Variants in ITPR1 observed in about 807,000 individuals in gnomAD.
ITPR1 encodes the protein inositol 1,4,5-trisphosphate-gated calcium channel ITPR1.
In ITPR1, 96 loss-of-function variants were observed where a neutral mutation model predicts 318.4. The observed-to-expected ratio is 0.30, with a 90% confidence interval of 0.26 to 0.36. The LOEUF is 0.36. ITPR1 is among the 10% of genes least tolerant of loss of function. The pLI is 1.00. For synonymous variants in ITPR1, 1,312 were observed against 1,289.9 expected, an observed-to-expected ratio of 1.02 and a Z score of -0.37; for missense variants, 2,440 against 3,460.2, an observed-to-expected ratio of 0.71 and a Z score of 7.40.
chr3:4,644,774 T>A (rs968364347), intron 8 of ITPR1, among the ~76,000 whole-genome samples: 5 of 152,214 alleles, frequency 3.3e-5, no homozygotes, highest in Non-Finnish European at 1.5e-5. Context: ...AGATGTGGGT[T>A]CACATCCTGT....
At chr3:4,547,896 T>A (rs1575490844) in intron 4 of ITPR1, among the ~76,000 whole-genome samples, 1 of 152,326 alleles carries the variant, frequency 6.6e-6, no homozygotes, top group African/African-American at 2.4e-5. Context: ...TCAGATTATT[T>A]TTTTTTCACT....
intron 4 of ITPR1, among the ~76,000 whole-genome samples, chr3:4,577,201 C>T (rs2088774314): frequency 6.6e-6 from 1 of 152,246 alleles, no homozygotes; most frequent in Non-Finnish European, 1.5e-5. Context: ...CACGATGGCA[C>T]AGGACGAGCC....
chr3:4,655,951 T>C (rs1045848095), intron 12 of ITPR1, among the ~76,000 whole-genome samples: 5 of 152,186 alleles, frequency 3.3e-5, no homozygotes, highest in African/African-American at 1.2e-4. Context: ...GAAACTTGGA[T>C]GGAAAACCTC....
intron 44 of ITPR1, among the ~76,000 whole-genome samples, chr3:4,762,781 A>G (rs2045542725): frequency 6.6e-6 from 1 of 152,206 alleles, no homozygotes; most frequent in Non-Finnish European, 1.5e-5. Context: ...CCAGTGTGGC[A>G]ATTCCTCAAA....
Position 4,815,070 on chromosome 3 carries a change from T to A in ITPR1, c.7719T>A (p.Ala2573=), listed in dbSNP as rs375507523. The change falls in exon 59 of 62, where the codon GCT becomes GCA. Residue 2573 remains alanine (A), a synonymous_variant. Coordinates refer to ENST00000649015, the MANE Select transcript of ITPR1 (RefSeq NM_001378452.1). The part of the protein sequence containing the change: ...KPSKEEPLFA[A]RVIYDLLFFF... The stretch of plus-strand genomic sequence containing the variant: ...TTTTCCAGGAACCCCTGTTTGCTGC[T>A]AGAGTTATTTATGACCTCTTGTTCT... 117 of 1,612,860 alleles carry A rather than the reference T, an allele frequency of 7.3e-5. No individual in the cohort carries two copies. The highest frequency in any genetic ancestry group is 1.6e-4 in the Middle Eastern group (1 of 6,080).
intron 4 of ITPR1, among the ~76,000 whole-genome samples, chr3:4,550,374 C>T (rs751811894): frequency 6.6e-6 from 1 of 152,172 alleles, no homozygotes; most frequent in Admixed American, 6.5e-5. Context: ...AACCCACAGA[C>T]GCGCTGCCAT....
intron 53 of ITPR1, among the ~76,000 whole-genome samples, chr3:4,798,843 T>C (rs986295023): frequency 6.6e-6 from 1 of 152,204 alleles, no homozygotes; most frequent in Non-Finnish European, 1.5e-5. Context: ...GACTACCTGA[T>C]AGGATTATTT....
intron 44 of ITPR1, among the ~76,000 whole-genome samples, chr3:4,760,249 G>A (rs1310478590): frequency 6.6e-6 from 1 of 152,256 alleles, no homozygotes; most frequent in Non-Finnish European, 1.5e-5. Flanking sequence ...CAGCTTATAT[G>A]GAAAGGGCTC....
chr3:4,815,340 G>C, intron 59 of ITPR1, 122 bp downstream of exon 59: 1 of 845,216 alleles, frequency 1.2e-6, no homozygotes, highest in Non-Finnish European at 1.8e-6. Context: ...GGCACCGGCT[G>C]CTGCTTCGTC....
chr3:4,645,869 C>A (rs1253733827), intron 10 of ITPR1, 141 bp downstream of exon 10: 7 of 702,426 alleles, frequency 1.0e-5, no homozygotes, highest in South Asian at 1.8e-5. Flanking sequence ...CACCTACACA[C>A]ACACACAGAA....
intron 60 of ITPR1, among the ~76,000 whole-genome samples, chr3:4,822,906 T>G (rs927539059): frequency 6.6e-6 from 1 of 152,248 alleles, no homozygotes; most frequent in East Asian, 1.9e-4. Context: ...GAAAAAAAAT[T>G]TCCTTTCCCT....
intron 54 of ITPR1, among the ~76,000 whole-genome samples, chr3:4,802,113 A>T (rs930994264): frequency 6.6e-6 from 1 of 152,220 alleles, no homozygotes; most frequent in Admixed American, 6.5e-5. Flanking sequence ...ATCCGCATGA[A>T]AAATGCTGAG....
Position 4,675,184 on chromosome 3 carries a change from C to T in ITPR1, c.2715C>T (p.Phe905=). The T allele has an allele frequency of 3.7e-6, 6 of 1,612,000 alleles. No individual in the cohort carries two copies. The highest frequency in any genetic ancestry group is 5.1e-6 in the Non-Finnish European group (6 of 1,178,780). ...ACTGTGTACATGTGACAACAATCTT[C>T]CCCATTAGCAAGATGGCGAAAGGAG... ...ILDCVHVTTI[F]PISKMAKGEE... The change falls in exon 23 of 62, where the codon TTC becomes TTT. Residue 905 remains phenylalanine, a synonymous_variant. Transcript: ENST00000649015.
chr3:4,651,941 A>T (rs1314565017), intron 10 of ITPR1, among the ~76,000 whole-genome samples, 182 bp from the exon 11 acceptor site: 6 of 152,208 alleles, frequency 3.9e-5, no homozygotes, highest in Non-Finnish European at 7.3e-5. Context: ...CTTTGGAGAG[A>T]CACTGCTTAC....
rs747553464 is a variant in ITPR1 at position 4,735,170 on chromosome 3, G to T, written c.5360G>T (p.Gly1787Val). The change falls in exon 44 of 62, where the codon GGT becomes GTT. Residue 1787 changes from glycine to valine, a missense_variant. Coordinates refer to ENST00000649015, the MANE Select transcript of ITPR1 (RefSeq NM_001378452.1). ...CAATATTCCATCTTCTTAGGGGGAG[G>T]TTCCGGATCCAGCTCTATGAGCAGG... ...GPGKPGGGGG[G>V]SGSSSMSRGE... The T allele has an allele frequency of 3.1e-6, 5 of 1,612,542 alleles. No homozygotes were observed. The Admixed American group carries it at 5.0e-5, about 16-fold the overall frequency.
chr3:4,608,018 T>C (rs1334790032), intron 4 of ITPR1, among the ~76,000 whole-genome samples: 2 of 152,142 alleles, frequency 1.3e-5, no homozygotes, highest in Non-Finnish European at 2.9e-5. Flanking sequence ...GGGGAAGGGC[T>C]GTTATCATTT....
intron 4 of ITPR1, among the ~76,000 whole-genome samples, chr3:4,580,690 G>A (rs2089240125): frequency 6.6e-6 from 1 of 152,110 alleles, no homozygotes; most frequent in African/African-American, 2.4e-5. Context: ...CCTCTTGCAG[G>A]GCCAGAATTT....
intron 4 of ITPR1, among the ~76,000 whole-genome samples, chr3:4,566,193 A>T (rs1420418540): frequency 6.6e-6 from 1 of 152,224 alleles, no homozygotes; most frequent in African/African-American, 2.4e-5. Flanking sequence ...ATTCAGAGCC[A>T]ATTTGGAAAC....
rs79523122 is a variant in ITPR1, at chr3:4,665,893, G to T, written c.1713+597G>T. Among the ~76,000 whole-genome samples the T allele has an allele frequency of 6.5e-3, 994 of 152,214 alleles. 7 individuals are homozygous for T. Among genetic ancestry groups the T allele is most frequent in the African/African-American group, 0.023 (970 of 41,520 alleles). ...TGAGAACTATATTGCTACATCATTG[G>T]TTCTTAACTGGGGGTAATTTTGTCC... is the stretch of plus-strand genomic sequence containing the variant. On this transcript the variant is annotated intron_variant, in intron 17 of 61. Coordinates refer to ENST00000649015, the MANE Select transcript of ITPR1 (RefSeq NM_001378452.1).
Sources: gnomAD v4.1 joint callset for allele counts (sites outside exome capture counted in the v4.1 genomes callset) on GRCh38, gnomAD v4.1.1 for gene constraint, MANE v1.5 for transcripts, NCBI Gene and HGNC (gene_info 2026-07-23, HGNC 2026-07-21) for gene names.